CNTN1: variants seen among roughly 807,000 people sequenced by gnomAD.
CNTN1 encodes contactin 1.
A neutral mutation model predicts 126.4 loss-of-function variants in CNTN1; 38 were observed. The ratio of observed to expected loss-of-function variants is 0.30; its 90% CI spans 0.23 to 0.39. The LOEUF (loss-of-function observed/expected upper bound fraction) is 0.39, where lower values mean the gene tolerates loss of function less well. CNTN1 is among the 10% of genes least tolerant of loss of function. CNTN1 has a pLI of 1.00. For synonymous variants in CNTN1, 413 were observed against 422.6 expected (o/e 0.98, Z 0.28); for missense variants, 1,009 against 1,248.4 (o/e 0.81, Z 2.89).
At chr12:40,751,278 G>A (rs145584765) in intron 1 of CNTN1, among the ~76,000 whole-genome samples, 1 of 152,134 alleles carries the variant, frequency 6.6e-6, no homozygotes, top group Non-Finnish European at 1.5e-5. Flanking sequence ...GAAACATCCT[G>A]GGATGTTAAT....
At chr12:40,867,885 T>TATA (rs1245020278) in intron 1 of CNTN1, among the ~76,000 whole-genome samples, 1 of 149,910 alleles carries the variant, frequency 6.7e-6, no homozygotes, top group African/African-American at 2.5e-5. Context: ...CTGAGTTTAT[T>TATA]ATTATTATTA....
chr12:40,902,914 T>C (rs1944659749), intron 1 of CNTN1, among the ~76,000 whole-genome samples: 1 of 151,840 alleles, frequency 6.6e-6, no homozygotes, highest in South Asian at 2.1e-4. Context: ...AAAACCCTAG[T>C]GTTGTCTAAA....
chr12:40,933,118 C>T (rs74795425), intron 7 of CNTN1, among the ~76,000 whole-genome samples: 1 of 151,750 alleles, frequency 6.6e-6, no homozygotes, highest in East Asian at 1.9e-4. Context: ...CTCTTTCCTT[C>T]TCCCTCATTT....
At chr12:40,756,679 G>A (rs143712164) in intron 1 of CNTN1, among the ~76,000 whole-genome samples, 1 of 152,082 alleles carries the variant, frequency 6.6e-6, no homozygotes, top group Non-Finnish European at 1.5e-5. Flanking sequence ...CTTGCAAATA[G>A]TTTGCTCCTC....
Position 40,993,233 on chromosome 12 carries a change from A to C in CNTN1, c.2077A>C (p.Ser693Arg). Residue 693 changes from serine to arginine, a missense_variant, in exon 17 of 24, where the codon AGT becomes CGT. Coordinates refer to ENST00000551295, the MANE Select transcript of CNTN1 (RefSeq NM_001843.4). Reference protein sequence around the residue: ...ATNTLGRGEPSIPSNRIKTDG... With the variant: ...ATNTLGRGEPRIPSNRIKTDG... ...CAATACACTGGGTAGAGGAGAGCCC[A>C]GTATACCATCTAACAGAATTAAAAC... 2 of 1,613,926 alleles carry C rather than the reference A, an allele frequency of 1.2e-6. No individual in the cohort carries two copies. Among genetic ancestry groups the C allele is most frequent in the Non-Finnish European group, 1.7e-6 (2 of 1,179,794 alleles).
chr12:40,998,201 AC>A lies in CNTN1; in HGVS notation c.2113+4933del, dbSNP rs1375584681. On this transcript the variant is annotated intron_variant, in intron 17 of 23. Transcript: ENST00000551295. ...ATACATTCGATGCTATTGTCCATAT[AC>A]TGATGAAAGAAGAAAGCGGTCATTT... 4.6e-5 allele frequency among the ~76,000 whole-genome samples: 7 copies of A among 152,294 alleles called. No individual in the cohort carries two copies. The South Asian group carries it at 1.4e-3, about 32-fold the overall frequency.
intron 16 of CNTN1, among the ~76,000 whole-genome samples, 160 bp from the exon 17 acceptor site, chr12:40,992,960 A>T (rs541438759): frequency 1.3e-5 from 2 of 152,146 alleles, no homozygotes; most frequent in South Asian, 4.2e-4. Context: ...CTCTTCTCTT[A>T]CTCCCTTGAA....
intron 1 of CNTN1, among the ~76,000 whole-genome samples, chr12:40,875,871 T>A (rs1943650686): frequency 6.6e-6 from 1 of 152,098 alleles, no homozygotes; most frequent in African/African-American, 2.4e-5. Flanking sequence ...TTCTCTGGAA[T>A]AAACACCAAG....
intron 1 of CNTN1, among the ~76,000 whole-genome samples, chr12:40,881,024 T>C (rs903679770): frequency 6.6e-6 from 1 of 151,994 alleles, no homozygotes; most frequent in African/African-American, 2.4e-5. Context: ...ACTACAAACC[T>C]ATCTTTCACC....
chr12:40,938,319 T>G (rs1366387863), intron 11 of CNTN1, among the ~76,000 whole-genome samples: 2 of 152,210 alleles, frequency 1.3e-5, no homozygotes, highest in Non-Finnish European at 2.9e-5. Flanking sequence ...CAAATGATCA[T>G]GTCTCCTTAA....
At chr12:40,727,379 A>G (rs796313246) in intron 1 of CNTN1, among the ~76,000 whole-genome samples, 10 of 152,164 alleles carry the variant, frequency 6.6e-5, no homozygotes, top group African/African-American at 2.4e-4. Context: ...AATTCAAAGC[A>G]AAGAGGATAC....
At position 40,779,239 on chromosome 12, in the gene CNTN1, A is replaced by G. The variant is rs182233101; in HGVS notation, c.-77+86647A>G. ...GTAAAATATGTCAAATTTACTCAGA[A>G]TATTCTTCAAAAAGTCTATTTCTCA... On this transcript the variant is annotated intron_variant, in intron 1 of 23. Coordinates refer to ENST00000551295, the MANE Select transcript of CNTN1 (RefSeq NM_001843.4). 3.3e-5 allele frequency among the ~76,000 whole-genome samples: 5 copies of G among 151,932 alleles called. 1 individual carries two copies. Among genetic ancestry groups the G allele is most frequent in the African/African-American group, 9.6e-5 (4 of 41,530 alleles).
intron 3 of CNTN1, among the ~76,000 whole-genome samples, chr12:40,916,290 C>G (rs1008309405): frequency 6.6e-6 from 1 of 152,008 alleles, no homozygotes; most frequent in East Asian, 1.9e-4. Flanking sequence ...GAAGAAACAA[C>G]AAGATCTTCA....
chr12:40,701,559 T>C (rs1335802339), intron 1 of CNTN1, among the ~76,000 whole-genome samples: 1 of 152,186 alleles, frequency 6.6e-6, no homozygotes, highest in Non-Finnish European at 1.5e-5. Flanking sequence ...AATAGAATTT[T>C]ATCTCAGATA....
At chr12:40,716,172 G>T (rs988018959) in intron 1 of CNTN1, among the ~76,000 whole-genome samples, 7 of 150,758 alleles carry the variant, frequency 4.6e-5, no homozygotes, top group African/African-American at 1.7e-4. Flanking sequence ...AAGTAATGAG[G>T]GACTGGCCCC....
Position 40,929,673 on chromosome 12 carries a change from C to T in CNTN1, c.497-123C>T, listed in dbSNP as rs138193121. 1,413 of 739,684 alleles carry T rather than the reference C, an allele frequency of 1.9e-3. 4 individuals carry two copies. The highest frequency in any genetic ancestry group is 0.01 in the Middle Eastern group (30 of 2,858). The allele number at this position is 739,684 out of a possible 1,614,324, so 45.8% of individuals were successfully genotyped here. A position where few individuals can be genotyped will look rare whatever the true frequency, so the allele number is the denominator to read the frequency against. Reference sequence around the variant, plus strand: ...TGTGCACTGTTTGTCTTGGCTTTCTCCTAACATTTGCTCCACAATAGCCTT... The same window carrying T: ...TGTGCACTGTTTGTCTTGGCTTTCTTCTAACATTTGCTCCACAATAGCCTT... On this transcript the variant is annotated intron_variant, in intron 6 of 23. Transcript: ENST00000551295.
At chr12:40,848,503 T>C (rs1942599256) in intron 1 of CNTN1, among the ~76,000 whole-genome samples, 1 of 152,224 alleles carries the variant, frequency 6.6e-6, no homozygotes, top group African/African-American at 2.4e-5. Flanking sequence ...ATGTATGAGT[T>C]AGCATCTAGC....
intron 1 of CNTN1, among the ~76,000 whole-genome samples, chr12:40,835,274 G>A (rs1274344267): frequency 1.3e-5 from 2 of 152,114 alleles, no homozygotes; most frequent in African/African-American, 2.4e-5. Context: ...TAGTATAATT[G>A]TGTAGTGCAG....
chr12:40,831,073 T>C (rs1941820639), intron 1 of CNTN1, among the ~76,000 whole-genome samples: 1 of 144,684 alleles, frequency 6.9e-6, no homozygotes, highest in African/African-American at 2.5e-5. Context: ...ACAGTATATA[T>C]ACTATACATA....
Sources: allele counts gnomAD v4.1 joint callset (sites outside exome capture counted in the v4.1 genomes callset), GRCh38; gene constraint gnomAD v4.1.1; transcripts MANE v1.5; gene names NCBI Gene and HGNC (gene_info 2026-07-23, HGNC 2026-07-21).